The following PCBP3 variants were observed in gnomAD, a reference collection of about 807,000 sequenced individuals.
The protein encoded by PCBP3 is poly(rC)-binding protein 3.
In PCBP3, 25 loss-of-function variants were observed where a neutral mutation model predicts 52.7. The observed-to-expected ratio is 0.47, with a 90% CI of 0.35 to 0.66. PCBP3 has a LOEUF of 0.66. PCBP3 is among the 30% of genes least tolerant of loss of function. The pLI is 0.01. For missense variants in PCBP3, 391 were observed against 490.3 expected, an observed-to-expected ratio of 0.80 and a Z score of 1.91; for synonymous variants, 162 against 183.0, an observed-to-expected ratio of 0.89 and a Z score of 0.93.
At position 45,817,762 on chromosome 21, in the gene PCBP3, A is replaced by C. The variant is rs1233853016; in HGVS notation, c.-125-32199A>C. Among the ~76,000 whole-genome samples the C allele has an allele frequency of 6.6e-6, 1 of 152,210 alleles. No individual in the cohort carries two copies. Among genetic ancestry groups the C allele is most frequent in the Non-Finnish European group, 1.5e-5 (1 of 68,040 alleles). On this transcript the variant is annotated intron_variant, in intron 4 of 17. Coordinates refer to ENST00000681687, the MANE Select transcript of PCBP3 (RefSeq NM_001384156.1). This position sits in a 1 kb window ranked among gnomAD's most constrained non-coding sequence, Gnocchi z 4.3. Reference sequence around the variant, plus strand: ...TTAAGGTTTTTACTGTGGGATCATAAGTCCTTACTCCTTCATGGTTGGAAT... The same window carrying C: ...TTAAGGTTTTTACTGTGGGATCATACGTCCTTACTCCTTCATGGTTGGAAT...
At chr21:45,860,771 T>C (rs901691474) in intron 5 of PCBP3, among the ~76,000 whole-genome samples, 2 of 152,246 alleles carry the variant, frequency 1.3e-5, no homozygotes, top group African/African-American at 4.8e-5. Context: ...GTGATGCAGC[T>C]GTGCCCCTCC....
At chr21:45,914,476 A>C (rs546545124) in intron 12 of PCBP3, 2 of 278,082 alleles carry the variant, frequency 7.2e-6, no homozygotes, top group South Asian at 8.3e-5. Context: ...GGAGCTCTGC[A>C]CTGAGGAAGG....
At chr21:45,749,784 C>T (rs1220261094) in intron 3 of PCBP3, 1 of 152,230 alleles carries the variant, frequency 6.6e-6, no homozygotes, top group Non-Finnish European at 1.5e-5. Context: ...CACCACAGCA[C>T]CATTGTCAGC....
intron 5 of PCBP3, among the ~76,000 whole-genome samples, chr21:45,879,360 T>A (rs951882677): frequency 6.6e-6 from 1 of 152,190 alleles, no homozygotes; most frequent in Admixed American, 6.5e-5. Context: ...AAATTCATGA[T>A]GTAGACTCAA....
chr21:45,678,125 A>G (rs1449445526), intron 2 of PCBP3, among the ~76,000 whole-genome samples: 1 of 152,054 alleles, frequency 6.6e-6, no homozygotes, highest in Non-Finnish European at 1.5e-5. Flanking sequence ...GAGGATCACA[A>G]GGTCAGGAGA....
chr21:45,780,350 TC>T (rs1569213382), intron 4 of PCBP3, among the ~76,000 whole-genome samples: 1 of 152,266 alleles, frequency 6.6e-6, no homozygotes, highest in Non-Finnish European at 1.5e-5. Flanking sequence ...GAAGTCTCTC[TC>T]TGGAAAGAGG....
chr21:45,825,584 G>A (rs914462538), intron 4 of PCBP3, among the ~76,000 whole-genome samples: 2 of 152,210 alleles, frequency 1.3e-5, no homozygotes, highest in African/African-American at 2.4e-5. Context: ...CCGTGGATGA[G>A]TTTCCTTCAG....
intron 5 of PCBP3, among the ~76,000 whole-genome samples, chr21:45,867,448 C>CG (rs2094786211): frequency 6.6e-6 from 1 of 152,230 alleles, no homozygotes; most frequent in African/African-American, 2.4e-5. Flanking sequence ...TGTGCCGCTA[C>CG]GGGGTCCCTG....
At chr21:45,825,111 T>C (rs2093271614) in intron 4 of PCBP3, among the ~76,000 whole-genome samples, 2 of 152,066 alleles carry the variant, frequency 1.3e-5, no homozygotes, top group Admixed American at 6.5e-5. Context: ...CTGCATTGGC[T>C]CTGAGCTTGT....
At chr21:45,920,533 A>G (rs548375317) in intron 13 of PCBP3, among the ~76,000 whole-genome samples, 2 of 152,308 alleles carry the variant, frequency 1.3e-5, no homozygotes, top group South Asian at 4.1e-4. Context: ...GCTATGGTTT[A>G]AATATGTCTA....
At chr21:45,649,801 T>G (rs1051707559) in intron 1 of PCBP3, among the ~76,000 whole-genome samples, 4 of 152,166 alleles carry the variant, frequency 2.6e-5, no homozygotes, top group Non-Finnish European at 2.9e-5. Context: ...GTTATTTTTT[T>G]TTTGGTAGAT....
At position 45,803,418 on chromosome 21, in the gene PCBP3, G is replaced by A. The variant is rs1173951682; in HGVS notation, c.-125-46543G>A. Among the ~76,000 whole-genome samples, 5 of 152,294 alleles carry A rather than the reference G, an allele frequency of 3.3e-5. No homozygotes were observed. The South Asian group carries it at 1.0e-3, about 32-fold the overall frequency. On this transcript the variant is annotated intron_variant, in intron 4 of 17. Transcript: ENST00000681687. ...CCCCTCCTAGCAGCTGCACACTGGG[G>A]TGGTCCTGAGGAAAGGAGGGCGAGA...
intron 1 of PCBP3, among the ~76,000 whole-genome samples, chr21:45,651,518 A>G (rs1415801618): frequency 1.3e-5 from 2 of 152,096 alleles, no homozygotes; most frequent in African/African-American, 4.8e-5. Context: ...TTGAACCAAT[A>G]TTTTTCCTTT....
At chr21:45,921,400 G>A (rs1341464875) in intron 13 of PCBP3, among the ~76,000 whole-genome samples, 1 of 152,172 alleles carries the variant, frequency 6.6e-6, no homozygotes. Flanking sequence ...TCAAGCATAA[G>A]AAAATACATT....
At chr21:45,861,795 TAAGAG>T (rs2094520186) in intron 5 of PCBP3, among the ~76,000 whole-genome samples, 1 of 152,108 alleles carries the variant, frequency 6.6e-6, no homozygotes, top group Non-Finnish European at 1.5e-5. Context: ...TACAAGGAAA[TAAGAG>T]AGAGACAGAA....
At chr21:45,697,951 C>T (rs2082885696) in intron 2 of PCBP3, among the ~76,000 whole-genome samples, 1 of 151,990 alleles carries the variant, frequency 6.6e-6, no homozygotes, top group Admixed American at 6.6e-5. Context: ...TGAAACATCT[C>T]AGTCATCAGA....
chr21:45,664,873 T>A (rs529733391), intron 1 of PCBP3, among the ~76,000 whole-genome samples: 1 of 150,708 alleles, frequency 6.6e-6, no homozygotes, highest in Non-Finnish European at 1.5e-5. Context: ...CGGTGTTTGG[T>A]TTTTTGTTCT....
chr21:45,843,034 G>A (rs1019259171), intron 4 of PCBP3, among the ~76,000 whole-genome samples: 1 of 145,760 alleles, frequency 6.9e-6, no homozygotes, highest in Non-Finnish European at 1.5e-5. Flanking sequence ...GAAATATAGA[G>A]GAGGAAGCAC....
chr21:45,802,681 T>A lies in PCBP3; in HGVS notation c.-126+47229T>A, dbSNP rs1349039067. Reference sequence around the variant, plus strand: ...TGTGTGTTTGGGATGTTCCTCTCCTTCATGGGGAGGAGAGGCCCTGAGGGA... The same window carrying A: ...TGTGTGTTTGGGATGTTCCTCTCCTACATGGGGAGGAGAGGCCCTGAGGGA... On this transcript the variant is annotated intron_variant, in intron 4 of 17. Transcript: ENST00000681687. The surrounding 1 kb of genome is among the most constrained non-coding windows in gnomAD (Gnocchi z 5.1). 1.3e-5 allele frequency among the ~76,000 whole-genome samples: 2 copies of A among 151,986 alleles called. No homozygotes were observed. Among genetic ancestry groups the A allele is most frequent in the African/African-American group, 4.8e-5 (2 of 41,384 alleles).
Sources: gnomAD v4.1 joint callset for allele counts (sites outside exome capture counted in the v4.1 genomes callset) on GRCh38, gnomAD v4.1.1 for gene constraint, Gnocchi (gnomAD v3.1) non-coding constraint, MANE v1.5 for transcripts, NCBI Gene and HGNC (gene_info 2026-07-23, HGNC 2026-07-21) for gene names.